RPS6KA2: variants seen among roughly 807,000 people sequenced by gnomAD.
The protein encoded by RPS6KA2 is ribosomal protein S6 kinase A2.
Under a neutral mutation model 91.8 loss-of-function variants are expected in RPS6KA2, and 42 were observed. The ratio of observed to expected loss-of-function variants is 0.46; its 90% CI spans 0.36 to 0.59. RPS6KA2 has a LOEUF of 0.59. RPS6KA2 is among the 20% of genes least tolerant of loss of function. The pLI, the probability that RPS6KA2 is intolerant of heterozygous loss-of-function variation, is 0.00. For missense variants in RPS6KA2, 798 were observed against 978.5 expected, an observed-to-expected ratio of 0.82 and a Z score of 2.46; for synonymous variants, 414 against 393.6, an observed-to-expected ratio of 1.05 and a Z score of -0.61.
At position 166,702,640 on chromosome 6, in the gene RPS6KA2, G is replaced by T. The variant is rs149172317; in HGVS notation, c.123+155560C>A. On this transcript the variant is annotated intron_variant, in intron 2 of 21. Coordinates refer to the RPS6KA2 transcript ENST00000503859. ...TGGGACCGAGTGCTCAACTTCTATG[G>T]GTTTCCCGTGCAGTTCTATTTTACC... 305 of 1,571,456 alleles carry T rather than the reference G, an allele frequency of 1.9e-4. 3 individuals carry two copies. The East Asian group carries it at 6.8e-3, about 35-fold the overall frequency.
intron 1 of RPS6KA2, among the ~76,000 whole-genome samples, chr6:166,576,360 G>C (rs187285997): frequency 1.3e-5 from 2 of 152,200 alleles, no homozygotes; most frequent in African/African-American, 4.8e-5. Context: ...ACAGTCTGAA[G>C]GGCTCAGAAG....
chr6:166,703,269 T>C (rs994128637), intron 2 of RPS6KA2, among the ~76,000 whole-genome samples: 1 of 152,276 alleles, frequency 6.6e-6, no homozygotes, highest in African/African-American at 2.4e-5. Context: ...ATTATGTTAC[T>C]ATGGGAACAG....
Position 166,738,694 on chromosome 6 carries a change from C to T in RPS6KA2, c.123+119506G>A, listed in dbSNP as rs772860687. On this transcript the variant is annotated intron_variant, in intron 2 of 21. Coordinates refer to the RPS6KA2 transcript ENST00000503859. Reference sequence around the variant, plus strand: ...AGAATATGGCTTTAAATAAAAACGACGTCACTGGATACCATGACGTCTGCC... The same window carrying T: ...AGAATATGGCTTTAAATAAAAACGATGTCACTGGATACCATGACGTCTGCC... Among the ~76,000 whole-genome samples the T allele has an allele frequency of 3.3e-5, 5 of 152,276 alleles. No homozygotes were observed. In the East Asian group the frequency reaches 5.8e-4, roughly 18 times the overall value.
At chr6:166,415,679 G>A (rs774634459) in intron 19 of RPS6KA2, among the ~76,000 whole-genome samples, 16 of 152,052 alleles carry the variant, frequency 1.1e-4, no homozygotes, top group Non-Finnish European at 1.8e-4. Flanking sequence ...CAGCACCCAC[G>A]TCCTAGTCTG....
chr6:166,727,348 A>G (rs1790370418), intron 2 of RPS6KA2, among the ~76,000 whole-genome samples: 1 of 151,390 alleles, frequency 6.6e-6, no homozygotes, highest in Non-Finnish European at 1.5e-5. Context: ...ACACACACAC[A>G]CAGCTGTAAT....
intron 2 of RPS6KA2, among the ~76,000 whole-genome samples, chr6:166,840,814 T>G (rs764303463): frequency 4.0e-5 from 6 of 151,626 alleles, no homozygotes; most frequent in African/African-American, 9.7e-5. Flanking sequence ...ATACAAAAAA[T>G]TAGCCAGGTG....
rs749999661 is a variant in RPS6KA2 at position 166,459,569 on chromosome 6, G to A, written c.973-18C>T. 6.4e-7 allele frequency: 1 copy of A among 1,572,660 alleles called. No individual in the cohort carries two copies. The highest frequency in any genetic ancestry group is 8.7e-7 in the Non-Finnish European group (1 of 1,143,170). ...TACAGCGTCTATTAATACAAGGAAA[G>A]CAAGACAGGGCACTGAGGATGCACA... is the stretch of plus-strand genomic sequence containing the variant. On this transcript the variant is annotated intron_variant, in intron 11 of 20. Transcript: ENST00000265678. The surrounding 1 kb of genome is among the most constrained non-coding windows in gnomAD (Gnocchi z 4.9).
intron 2 of RPS6KA2, among the ~76,000 whole-genome samples, chr6:166,656,448 T>G (rs747507517): frequency 3.9e-5 from 6 of 152,210 alleles, no homozygotes; most frequent in Non-Finnish European, 4.4e-5. Flanking sequence ...TCCCCTGCCC[T>G]GCCTGAGTGG....
chr6:166,453,235 AG>A (rs1159230421), intron 12 of RPS6KA2, among the ~76,000 whole-genome samples: 4 of 149,332 alleles, frequency 2.7e-5, no homozygotes, highest in African/African-American at 9.8e-5. Flanking sequence ...ACACACAAAA[AG>A]GCTTTAAGAC....
intron 2 of RPS6KA2, among the ~76,000 whole-genome samples, chr6:166,718,899 C>T (rs1176642619): frequency 6.6e-6 from 1 of 152,188 alleles, no homozygotes; most frequent in Non-Finnish European, 1.5e-5. Flanking sequence ...GGTTAAAAGT[C>T]TAACCATTAG....
intron 2 of RPS6KA2, among the ~76,000 whole-genome samples, chr6:166,843,821 G>A (rs6913834): frequency 0.054 from 8,145 of 152,072 alleles, 366 homozygotes; most frequent in East Asian, 0.2. Context: ...CAAATGAGAA[G>A]GAACCAGAAA....
chr6:166,663,263 C>G (rs1788210270), intron 2 of RPS6KA2, among the ~76,000 whole-genome samples: 1 of 152,196 alleles, frequency 6.6e-6, no homozygotes, highest in South Asian at 2.1e-4. Flanking sequence ...TGAAAATCTT[C>G]ACTCAGGTCA....
chr6:166,625,323 AC>A lies in RPS6KA2; in HGVS notation c.99+1597del, dbSNP rs1338733933. 2.9e-3 allele frequency among the ~76,000 whole-genome samples: 87 copies of A among 30,396 alleles called. 2 individuals carry two copies. Among genetic ancestry groups the A allele is most frequent in the Admixed American group, 5.9e-3 (19 of 3,230 alleles). 19.9% of individuals were successfully genotyped at this position (30,396 alleles called of 152,430 possible). ...AGAAACCTCGTTTCCTATTCCCACC[AC>A]CCCCCCACCCCCCCCCCCGCTTGTT... On this transcript the variant is annotated intron_variant, in intron 1 of 20. Transcript: ENST00000265678.
intron 2 of RPS6KA2, among the ~76,000 whole-genome samples, chr6:166,747,788 G>A (rs1319751755): frequency 1.3e-5 from 2 of 152,212 alleles, no homozygotes. Context: ...TACTCCCATG[G>A]GTACGCCTAG....
At chr6:166,723,353 C>G (rs1790235443) in intron 2 of RPS6KA2, among the ~76,000 whole-genome samples, 1 of 152,248 alleles carries the variant, frequency 6.6e-6, no homozygotes, top group South Asian at 2.1e-4. Flanking sequence ...CATGAATGCA[C>G]TGCCTTCCTC....
At chr6:166,631,761 G>A (rs915786306), upstream of RPS6KA2, among the ~76,000 whole-genome samples, 1 of 152,144 alleles carries the variant, frequency 6.6e-6, no homozygotes, top group Non-Finnish European at 1.5e-5. Flanking sequence ...TTTTCTCTTT[G>A]AGACAGTGGA....
At position 166,508,975 on chromosome 6, in the gene RPS6KA2, G is replaced by A. The variant is rs138412801; in HGVS notation, c.380-693C>T. ...AGAAGCCCGTCACCATCGCTGCTGT[G>A]ACGATGGTTGCTGCAGTGGCACTGG... On this transcript the variant is annotated intron_variant, in intron 4 of 20. Transcript: ENST00000265678. The surrounding 1 kb of genome is among the most constrained non-coding windows in gnomAD (Gnocchi z 4.3). Among the ~76,000 whole-genome samples the A allele has an allele frequency of 5.4e-4, 82 of 152,354 alleles. No homozygotes were observed. Among genetic ancestry groups the A allele is most frequent in the African/African-American group, 1.8e-3 (75 of 41,582 alleles).
chr6:166,411,069 C>T lies in RPS6KA2; in HGVS notation c.*1693G>A, dbSNP rs1195339328. ...GCACTATGGAAACAGGTATTCAGTCCGACTTGCTCCTTTTATGTTTTGTGG... is the reference window on the plus strand; with the variant it reads ...GCACTATGGAAACAGGTATTCAGTCTGACTTGCTCCTTTTATGTTTTGTGG... On this transcript the variant is annotated 3_prime_UTR_variant, in exon 21 of 21. Coordinates refer to ENST00000265678, the MANE Select transcript of RPS6KA2 (RefSeq NM_021135.6). The surrounding 1 kb of genome is among the most constrained non-coding windows in gnomAD (Gnocchi z 4.5). 1 of 149,736 alleles carries T rather than the reference C, an allele frequency of 6.7e-6. No individual in the cohort carries two copies. The highest frequency in any genetic ancestry group is 1.5e-5 in the Non-Finnish European group (1 of 67,750). The allele number at this position is 149,736 out of a possible 1,614,324, so 9.3% of individuals were successfully genotyped here.
At chr6:166,577,160 T>G (rs1784859297) in intron 1 of RPS6KA2, among the ~76,000 whole-genome samples, 1 of 152,176 alleles carries the variant, frequency 6.6e-6, no homozygotes, top group Admixed American at 6.5e-5. Flanking sequence ...AACGCCTGGA[T>G]GCCCAGGCAA....
Sources: gnomAD v4.1 joint callset for allele counts (sites outside exome capture counted in the v4.1 genomes callset) on GRCh38, gnomAD v4.1.1 for gene constraint, Gnocchi (gnomAD v3.1) non-coding constraint, MANE v1.5 for transcripts, NCBI Gene and HGNC (gene_info 2026-07-23, HGNC 2026-07-21) for gene names.